OSBPL10: variants seen among roughly 807,000 people sequenced by gnomAD.
The protein encoded by OSBPL10 is oxysterol-binding protein-related protein 10.
In OSBPL10, 49 loss-of-function variants were observed where a neutral mutation model predicts 81.7. The observed-to-expected ratio is 0.60, with a 90% confidence interval of 0.48 to 0.76. The LOEUF is 0.76. Ranked by LOEUF, OSBPL10 falls within the 30% of genes least tolerant of loss-of-function variation. OSBPL10 has a pLI of 0.00. For missense variants in OSBPL10, 923 were observed against 987.8 expected (o/e 0.93, Z 0.88); for synonymous variants, 419 against 383.6 (o/e 1.09, Z -1.08).
intron 1 of OSBPL10, among the ~76,000 whole-genome samples, chr3:32,057,641 T>C (rs1435166899): frequency 1.3e-5 from 2 of 152,174 alleles, no homozygotes; most frequent in Admixed American, 6.5e-5. Context: ...ATCATGAGAA[T>C]AGCATGGGAG....
At chr3:31,797,806 G>C in intron 4 of OSBPL10, 2 of 456,436 alleles carry the variant, frequency 4.4e-6, no homozygotes, top group South Asian at 3.1e-5. Flanking sequence ...CTCTCTGTGT[G>C]ACCTCACACA....
At chr3:31,861,862 C>T (rs1428941934) in intron 3 of OSBPL10, among the ~76,000 whole-genome samples, 2 of 152,166 alleles carry the variant, frequency 1.3e-5, no homozygotes, top group Non-Finnish European at 2.9e-5. Flanking sequence ...TCACGAAAGC[C>T]TCGTGCACAT....
intron 3 of OSBPL10, among the ~76,000 whole-genome samples, chr3:31,845,096 T>C (rs530947148): frequency 3.3e-5 from 5 of 151,986 alleles, no homozygotes; most frequent in African/African-American, 7.2e-5. Flanking sequence ...AAATTAACCA[T>C]TGTATGTATT....
upstream of OSBPL10, among the ~76,000 whole-genome samples, chr3:31,981,464 C>G (rs1698842529): frequency 6.6e-6 from 1 of 152,158 alleles, no homozygotes; most frequent in Non-Finnish European, 1.5e-5. The surrounding 1 kb of genome is among the most constrained non-coding windows in gnomAD (Gnocchi z 4.5). Context: ...GGGTGGCCGG[C>G]TAGGCGAGCC....
intron 1 of OSBPL10, among the ~76,000 whole-genome samples, chr3:31,943,908 G>GA (rs1369442214): frequency 7.4e-6 from 1 of 136,000 alleles, no homozygotes; most frequent in East Asian, 2.2e-4. Flanking sequence ...GCGGAGGTTC[G>GA]AGTGAGCTGA....
At chr3:31,867,753 G>A (rs1428627523) in intron 3 of OSBPL10, among the ~76,000 whole-genome samples, 1 of 148,408 alleles carries the variant, frequency 6.7e-6, no homozygotes, top group Non-Finnish European at 1.5e-5. Context: ...GAGAAAGGAA[G>A]GGAGGAAGGA....
At chr3:32,008,879 A>G (rs1231864841) in intron 2 of OSBPL10, among the ~76,000 whole-genome samples, 1 of 152,208 alleles carries the variant, frequency 6.6e-6, no homozygotes, top group Admixed American at 6.5e-5. Flanking sequence ...ATTTCAGAGC[A>G]ATAGTTATAG....
Position 32,062,465 on chromosome 3 carries a change from C to A in OSBPL10, n.185+14931G>T, listed in dbSNP as rs1699757374. Among the ~76,000 whole-genome samples, 2 of 94,330 alleles carry A rather than the reference C, an allele frequency of 2.1e-5. 1 individual carries two copies. Among genetic ancestry groups the A allele is most frequent in the South Asian group, 7.9e-4 (2 of 2,526 alleles). The allele number at this position is 94,330 out of a possible 152,430, so 61.9% of individuals were successfully genotyped here. ...TTGTATGGCTATGGTATGTTTTTATCTGATGGTAATTTCACTATAGGATTT... is the reference window on the plus strand; with the variant it reads ...TTGTATGGCTATGGTATGTTTTTATATGATGGTAATTTCACTATAGGATTT... On this transcript the variant is annotated intron_variant and non_coding_transcript_variant, in intron 1 of 3. Coordinates refer to the OSBPL10 transcript ENST00000479173.
chr3:31,908,951 C>T (rs1696497019), intron 1 of OSBPL10, among the ~76,000 whole-genome samples: 1 of 151,890 alleles, frequency 6.6e-6, no homozygotes, highest in Non-Finnish European at 1.5e-5. Flanking sequence ...GGAAGCAGAG[C>T]CAGGTCAAGG....
intron 1 of OSBPL10, among the ~76,000 whole-genome samples, chr3:31,910,140 C>A (rs1305122142): frequency 6.6e-6 from 1 of 151,982 alleles, no homozygotes; most frequent in Non-Finnish European, 1.5e-5. Flanking sequence ...CGCCACCATG[C>A]CCAACTAATT....
chr3:31,694,235 A>G (rs967958123), intron 7 of OSBPL10, among the ~76,000 whole-genome samples: 1 of 151,906 alleles, frequency 6.6e-6, no homozygotes, highest in Non-Finnish European at 1.5e-5. Flanking sequence ...GCCAGGCGTG[A>G]TGGTGAGCAC....
At chr3:31,846,411 G>A (rs1431950687) in intron 3 of OSBPL10, among the ~76,000 whole-genome samples, 1 of 152,050 alleles carries the variant, frequency 6.6e-6, no homozygotes. Flanking sequence ...ATCACCTGAG[G>A]TCAGGAGTTC....
chr3:32,068,699 C>A (rs1364627484), intron 1 of OSBPL10, among the ~76,000 whole-genome samples: 7 of 152,058 alleles, frequency 4.6e-5, no homozygotes, highest in Non-Finnish European at 8.8e-5. Flanking sequence ...GGCAAATGGT[C>A]TGAGGTGCCT....
chr3:31,812,783 A>AG, intron 4 of OSBPL10, among the ~76,000 whole-genome samples: 1 of 54,214 alleles, frequency 1.8e-5, no homozygotes, highest in African/African-American at 8.6e-5. Context: ...AGAAAGAAAG[A>AG]AAGAAAGAAA....
chr3:31,738,692 G>A (rs749917399), intron 5 of OSBPL10, among the ~76,000 whole-genome samples: 9 of 152,076 alleles, frequency 5.9e-5, no homozygotes, highest in Non-Finnish European at 8.8e-5. Flanking sequence ...AGAAACAAAG[G>A]CATTAAGAAC....
intron 7 of OSBPL10, among the ~76,000 whole-genome samples, chr3:31,684,927 G>A (rs1700753496): frequency 6.6e-6 from 1 of 152,190 alleles, no homozygotes; most frequent in Non-Finnish European, 1.5e-5. Flanking sequence ...TGAAGACAGA[G>A]ACCTTGTAGA....
intron 5 of OSBPL10, among the ~76,000 whole-genome samples, chr3:31,745,251 C>T (rs961705185): frequency 1.3e-5 from 2 of 152,130 alleles, no homozygotes; most frequent in East Asian, 1.9e-4. Context: ...TTACTGATTT[C>T]GATCACTGTG....
chr3:32,041,789 C>T (rs1699578724), intron 2 of OSBPL10, among the ~76,000 whole-genome samples: 1 of 152,134 alleles, frequency 6.6e-6, no homozygotes, highest in Non-Finnish European at 1.5e-5. Context: ...TCCCAGGTAG[C>T]TGGGATTTCA....
intron 4 of OSBPL10, among the ~76,000 whole-genome samples, chr3:31,754,094 C>T (rs1024617601): frequency 7.2e-5 from 11 of 152,126 alleles, no homozygotes; most frequent in Non-Finnish European, 1.0e-4. Flanking sequence ...ATTCTACCTT[C>T]GCCCTTTAAT....
Sources: gnomAD v4.1 joint callset for allele counts (sites outside exome capture counted in the v4.1 genomes callset) on GRCh38, gnomAD v4.1.1 for gene constraint, Gnocchi (gnomAD v3.1) non-coding constraint, MANE v1.5 for transcripts, NCBI Gene and HGNC (gene_info 2026-07-23, HGNC 2026-07-21) for gene names.